Variants in CRACD observed in about 807,000 individuals in gnomAD.
CRACD encodes the protein capping protein inhibiting regulator of actin dynamics.
A neutral mutation model predicts 106.8 loss-of-function variants in CRACD; 56 were observed. The ratio of observed to expected loss-of-function variants is 0.52; its 90% CI spans 0.42 to 0.66. The LOEUF (loss-of-function observed/expected upper bound fraction) is 0.66. CRACD is among the 30% of genes least tolerant of loss of function. CRACD has a pLI of 0.00. For synonymous variants in CRACD, 754 were observed against 670.8 expected (o/e 1.12, Z -1.92); for missense variants, 1,730 against 1,623.2 (o/e 1.07, Z -1.13).
intron 3 of CRACD, among the ~76,000 whole-genome samples, chr4:56,289,629 C>A (rs1368838734): frequency 6.6e-6 from 1 of 151,190 alleles, no homozygotes; most frequent in African/African-American, 2.4e-5. Flanking sequence ...AGCAGAGAGA[C>A]CACTGCAGCA....
chr4:56,184,183 G>A (rs1203465872), intron 2 of CRACD, among the ~76,000 whole-genome samples: 1 of 152,130 alleles, frequency 6.6e-6, no homozygotes, highest in Middle Eastern at 3.2e-3. Flanking sequence ...TGATTCTCAT[G>A]CCTCAGCCTC....
At position 56,078,031 on chromosome 4, in the gene CRACD, G is replaced by A. The variant is rs150346539; in HGVS notation, c.-336+28732G>A. On this transcript the variant is annotated intron_variant, in intron 1 of 10. Transcript: ENST00000682029. Reference sequence around the variant, plus strand: ...ATCTTGTCTCACAATGAATATGTACGTGATAAAAGACTGAAAAGGAATATC... The same window carrying A: ...ATCTTGTCTCACAATGAATATGTACATGATAAAAGACTGAAAAGGAATATC... Among the ~76,000 whole-genome samples, 198 of 152,298 alleles carry A rather than the reference G, an allele frequency of 1.3e-3. 1 individual carries two copies. The highest frequency in any genetic ancestry group is 4.4e-3 in the African/African-American group (181 of 41,562).
chr4:56,195,780 A>C (rs74808291), intron 2 of CRACD, among the ~76,000 whole-genome samples: 1 of 152,212 alleles, frequency 6.6e-6, no homozygotes, highest in East Asian at 1.9e-4. Flanking sequence ...AAACATTATC[A>C]TTATCTTGTT....
intron 1 of CRACD, among the ~76,000 whole-genome samples, chr4:56,177,515 G>C (rs1736638220): frequency 6.6e-6 from 1 of 151,954 alleles, no homozygotes; most frequent in East Asian, 1.9e-4. Flanking sequence ...TTGGTATGAG[G>C]GTAATGATGC....
intron 2 of CRACD, among the ~76,000 whole-genome samples, chr4:56,182,900 T>C (rs1736899519): frequency 6.6e-6 from 1 of 150,380 alleles, no homozygotes; most frequent in Non-Finnish European, 1.5e-5. Context: ...TGTGTGTGTG[T>C]GTATGGCTCC....
intron 2 of CRACD, among the ~76,000 whole-genome samples, chr4:56,233,094 A>G (rs2109540125): frequency 6.6e-6 from 1 of 150,700 alleles, no homozygotes; most frequent in African/African-American, 2.4e-5. Context: ...ACTTTGTGAA[A>G]TGTTCATTTC....
At chr4:56,283,383 T>C (rs1560516935) in intron 3 of CRACD, among the ~76,000 whole-genome samples, 1 of 152,174 alleles carries the variant, frequency 6.6e-6, no homozygotes, top group Non-Finnish European at 1.5e-5. Flanking sequence ...CAGTTCCCCT[T>C]CTCAAGTCAA....
intron 1 of CRACD, among the ~76,000 whole-genome samples, chr4:56,090,152 T>TAA (rs11324878): frequency 7.8e-5 from 11 of 140,550 alleles, no homozygotes; most frequent in African/African-American, 7.9e-5. Context: ...TCCTTTTTTT[T>TAA]AAAAAAAAAA....
chr4:56,086,185 C>G (rs981717149), intron 1 of CRACD, among the ~76,000 whole-genome samples: 1 of 152,134 alleles, frequency 6.6e-6, no homozygotes, highest in Non-Finnish European at 1.5e-5. Context: ...CAGGCAGAGC[C>G]CAGCAACTCT....
intron 2 of CRACD, among the ~76,000 whole-genome samples, chr4:56,262,327 G>T (rs1045114418): frequency 6.6e-6 from 1 of 152,116 alleles, no homozygotes; most frequent in Non-Finnish European, 1.5e-5. Flanking sequence ...GGTCTTTGGG[G>T]TTATGTATGT....
chr4:56,322,412 G>A (rs966830424), intron 8 of CRACD, among the ~76,000 whole-genome samples: 1 of 152,222 alleles, frequency 6.6e-6, no homozygotes, highest in African/African-American at 2.4e-5. Context: ...TGAACCTCCT[G>A]TGAGGTATTT....
intron 8 of CRACD, 77 bp downstream of exon 8, chr4:56,316,766 G>C: frequency 6.9e-7 from 1 of 1,459,682 alleles, no homozygotes; most frequent in South Asian, 1.3e-5. Context: ...TCCACACGCA[G>C]GTTCATGAGA....
intron 1 of CRACD, among the ~76,000 whole-genome samples, chr4:56,077,644 C>T (rs1030488962): frequency 2.0e-5 from 3 of 152,156 alleles, no homozygotes; most frequent in Non-Finnish European, 2.9e-5. Context: ...GAACTTAAAG[C>T]TGAATCCAGA....
At chr4:56,099,673 A>G (rs924806756) in intron 1 of CRACD, among the ~76,000 whole-genome samples, 3 of 152,172 alleles carry the variant, frequency 2.0e-5, no homozygotes, top group African/African-American at 7.2e-5. Flanking sequence ...GGGCCAAGCC[A>G]ACAGAGTTCA....
At chr4:56,128,428 T>G (rs1734724257) in intron 1 of CRACD, among the ~76,000 whole-genome samples, 1 of 152,194 alleles carries the variant, frequency 6.6e-6, no homozygotes, top group Admixed American at 6.5e-5. Context: ...TTCTGAAATT[T>G]TTTTGGCCTG....
Position 56,233,898 on chromosome 4 carries a change from G to T in CRACD, c.-188-38423G>T, listed in dbSNP as rs542355754. Among the ~76,000 whole-genome samples, 4 of 152,200 alleles carry T rather than the reference G, an allele frequency of 2.6e-5. No individual in the cohort carries two copies. In the South Asian group the frequency reaches 6.2e-4, roughly 24 times the overall value. Reference sequence around the variant, plus strand: ...ATTGTTTTGTAGTTTTCAGTGTACAGATCTTTCACATCTTTTGTCAGATTT... The same window carrying T: ...ATTGTTTTGTAGTTTTCAGTGTACATATCTTTCACATCTTTTGTCAGATTT... On this transcript the variant is annotated intron_variant, in intron 2 of 10. Coordinates refer to ENST00000682029, the MANE Select transcript of CRACD (RefSeq NM_001393381.1).
intron 2 of CRACD, among the ~76,000 whole-genome samples, chr4:56,212,950 G>T (rs932731376): frequency 6.6e-6 from 1 of 152,160 alleles, no homozygotes; most frequent in Non-Finnish European, 1.5e-5. Flanking sequence ...CAAACTCAGA[G>T]AACTCACAAC....
intron 2 of CRACD, among the ~76,000 whole-genome samples, chr4:56,266,723 T>C (rs1742043844): frequency 1.3e-5 from 2 of 152,242 alleles, no homozygotes; most frequent in South Asian, 4.1e-4. Flanking sequence ...CTGATGACCA[T>C]GTACTTAATC....
intron 3 of CRACD, among the ~76,000 whole-genome samples, chr4:56,281,928 G>A (rs888841272): frequency 1.3e-5 from 2 of 152,222 alleles, no homozygotes; most frequent in African/African-American, 2.4e-5. Flanking sequence ...TTTGTATGAC[G>A]TACCCTGTTT....
Sources: gnomAD v4.1 joint callset for allele counts (sites outside exome capture counted in the v4.1 genomes callset) on GRCh38, gnomAD v4.1.1 for gene constraint, MANE v1.5 for transcripts, NCBI Gene and HGNC (gene_info 2026-07-23, HGNC 2026-07-21) for gene names.